Variants in TXNL4A observed in about 807,000 individuals in gnomAD.
The protein encoded by TXNL4A is thioredoxin like 4A.
TXNL4A carries 17 observed loss-of-function variants against 14.6 expected under a neutral mutation model. The observed-to-expected ratio is 1.16, with a 90% CI of 0.80 to 1.74. The LOEUF (loss-of-function observed/expected upper bound fraction) is 1.74, where lower values mean the gene tolerates loss of function less well. TXNL4A is among the 40% of genes most tolerant of loss of function. The pLI, the probability that TXNL4A is intolerant of heterozygous loss-of-function variation, is 0.00. For missense variants in TXNL4A, 74 were observed against 195.2 expected, an observed-to-expected ratio of 0.38 and a Z score of 3.70; for synonymous variants, 83 against 70.6, an observed-to-expected ratio of 1.18 and a Z score of -0.88.
At chr18:79,987,831 G>C (rs1268419560) in intron 1 of TXNL4A, among the ~76,000 whole-genome samples, 1 of 152,238 alleles carries the variant, frequency 6.6e-6, no homozygotes, top group African/African-American at 2.4e-5. Flanking sequence ...CTATGAACAT[G>C]AAAGTCCTGC....
At chr18:80,022,772 T>G (rs1354730005) in intron 1 of TXNL4A, among the ~76,000 whole-genome samples, 1 of 152,204 alleles carries the variant, frequency 6.6e-6, no homozygotes, top group Non-Finnish European at 1.5e-5. Flanking sequence ...TTTGCCCTTC[T>G]CCTCTTTCCT....
rs35502760 is a variant in TXNL4A at position 80,013,122 on chromosome 18, AT to A, written c.-61+20728del. Among the ~76,000 whole-genome samples the A allele has an allele frequency of 2.7e-3, 263 of 96,144 alleles. 1 individual carries two copies. The highest frequency in any genetic ancestry group is 0.016 in the Middle Eastern group (3 of 192). 63.1% of individuals were successfully genotyped at this position (96,144 alleles called of 152,430 possible). ...AAAAATTAAAAAAGGAAAAAAAAAA[AT>A]TTTTTTTTTTTTTTTGAGACGGAGT... is the stretch of plus-strand genomic sequence containing the variant. On this transcript the variant is annotated intron_variant, in intron 1 of 2. Transcript: ENST00000585474.
At chr18:80,033,014 A>G (rs1179454417) in intron 1 of TXNL4A, among the ~76,000 whole-genome samples, 2 of 69,482 alleles carry the variant, frequency 2.9e-5, no homozygotes, top group East Asian at 1.4e-3. Flanking sequence ...CTGCTTCTCA[A>G]TACTCCGCCC....
Position 79,997,990 on chromosome 18 carries a change from A to G in TXNL4A, c.-60-20289T>C, listed in dbSNP as rs1421968886. Among the ~76,000 whole-genome samples the G allele has an allele frequency of 3.3e-5, 5 of 152,148 alleles. No individual in the cohort carries two copies. In the South Asian group the frequency reaches 8.3e-4, roughly 25 times the overall value. On this transcript the variant is annotated intron_variant, in intron 1 of 2. Transcript: ENST00000585474. ...AGAGGATTTTGGGTCCTGGCTGGCT[A>G]TTGTAGAAACTGGATACCAGTGGAC...
At chr18:79,986,185 A>C (rs1027318572) in intron 1 of TXNL4A, among the ~76,000 whole-genome samples, 4 of 151,996 alleles carry the variant, frequency 2.6e-5, no homozygotes, top group Non-Finnish European at 5.9e-5. Flanking sequence ...GACTACAGGC[A>C]CGTGCCACCA....
chr18:79,992,756 C>T (rs1175486889), upstream of TXNL4A, among the ~76,000 whole-genome samples: 1 of 151,968 alleles, frequency 6.6e-6, no homozygotes, highest in Non-Finnish European at 1.5e-5. Context: ...TGCAGTCATC[C>T]CCCTGCCTAC....
intron 1 of TXNL4A, among the ~76,000 whole-genome samples, chr18:79,981,795 G>C (rs1246273653): frequency 6.6e-6 from 1 of 152,212 alleles, no homozygotes; most frequent in African/African-American, 2.4e-5. Flanking sequence ...AATTCTAACA[G>C]AGGCAAACTA....
chr18:79,977,865 G>T, intron 1 of TXNL4A, 164 bp from the exon 2 acceptor site: 1 of 602,944 alleles, frequency 1.7e-6, no homozygotes, highest in Non-Finnish European at 2.9e-6. Context: ...GAGTGCAATG[G>T]TGCAATCAGC....
upstream of TXNL4A, among the ~76,000 whole-genome samples, chr18:79,992,726 C>T (rs953058294): frequency 2.6e-5 from 4 of 152,164 alleles, no homozygotes; most frequent in Middle Eastern, 3.4e-3. Flanking sequence ...TAATGTAAAT[C>T]GATAGCTTGT....
Position 79,988,544 on chromosome 18 carries a change from T to A in TXNL4A, c.-152A>T. On this transcript the variant is annotated 5_prime_UTR_variant, in exon 1 of 3. Coordinates refer to ENST00000269601, the MANE Select transcript of TXNL4A (RefSeq NM_006701.5). The stretch of plus-strand genomic sequence containing the variant: ...CCGCACACGCAAACTCCGCTGGGAC[T>A]GCCACCCGGCAGAACGTCTGGGCGC... The A allele has an allele frequency of 1.2e-6, 1 of 807,874 alleles. No individual in the cohort carries two copies. Among genetic ancestry groups the A allele is most frequent in the Non-Finnish European group, 1.7e-6 (1 of 601,290 alleles). 50.0% of individuals were successfully genotyped at this position (807,874 alleles called of 1,614,324 possible). A position where few individuals can be genotyped will look rare whatever the true frequency, so the allele number is the denominator to read the frequency against.
rs562896400 is a variant in TXNL4A at position 80,009,130 on chromosome 18, A to G, written c.-61+24721T>C. On this transcript the variant is annotated intron_variant, in intron 1 of 2. Transcript: ENST00000585474. The stretch of plus-strand genomic sequence containing the variant: ...TTTCCAGGGGCTTTAAAGGAAGACA[A>G]TCCTGTATTTAGAGCCTTAAGTCTG... Among the ~76,000 whole-genome samples the G allele has an allele frequency of 3.3e-5, 5 of 152,322 alleles. No homozygotes were observed. The South Asian group carries it at 1.0e-3, about 32-fold the overall frequency.
upstream of TXNL4A, among the ~76,000 whole-genome samples, chr18:79,990,278 G>T (rs543701466): frequency 1.8e-4 from 28 of 152,322 alleles, no homozygotes; most frequent in East Asian, 3.3e-3. Context: ...ACAATTTCAG[G>T]TTGGTAGGAT....
intron 1 of TXNL4A, among the ~76,000 whole-genome samples, chr18:80,008,421 T>C (rs1336255932): frequency 6.6e-6 from 1 of 152,088 alleles, no homozygotes; most frequent in East Asian, 1.9e-4. Flanking sequence ...ATTCTCCTCT[T>C]CCTCTTCTCA....
intron 1 of TXNL4A, among the ~76,000 whole-genome samples, 179 bp downstream of exon 1, chr18:79,988,061 G>T (rs1181061508): frequency 5.9e-5 from 9 of 152,274 alleles, no homozygotes; most frequent in African/African-American, 2.2e-4. Context: ...AAAAAGGCGT[G>T]AAACGCCGGC....
chr18:80,026,964 G>C (rs1361952978), intron 1 of TXNL4A, among the ~76,000 whole-genome samples: 3 of 152,204 alleles, frequency 2.0e-5, no homozygotes, highest in African/African-American at 4.8e-5. Flanking sequence ...ATTGGAGAGA[G>C]AGGAGGAAAT....
intron 1 of TXNL4A, among the ~76,000 whole-genome samples, chr18:80,020,059 G>A (rs1378545278): frequency 6.6e-6 from 1 of 152,158 alleles, no homozygotes; most frequent in East Asian, 1.9e-4. Flanking sequence ...GTGGGGGCGG[G>A]TCTTTCCTGC....
intron 1 of TXNL4A, among the ~76,000 whole-genome samples, chr18:80,008,141 TA>T (rs1037815292): frequency 2.0e-5 from 3 of 151,402 alleles, no homozygotes; most frequent in Middle Eastern, 3.4e-3. Flanking sequence ...GATGGAGTCT[TA>T]AAAAAAAATG....
upstream of TXNL4A, among the ~76,000 whole-genome samples, chr18:79,992,876 T>TAAAAA (rs59567705): frequency 0.13 from 10,430 of 78,456 alleles, 1,346 homozygotes; most frequent in Non-Finnish European, 0.19. Context: ...TCATCTTATG[T>TAAAAA]AAAAAAAAAA....
intron 1 of TXNL4A, among the ~76,000 whole-genome samples, chr18:80,009,941 C>A (rs141929583): frequency 1.3e-5 from 2 of 152,230 alleles, no homozygotes; most frequent in Non-Finnish European, 2.9e-5. Flanking sequence ...CACCATTTTG[C>A]CTCTTGGTGC....
Sources: allele counts gnomAD v4.1 joint callset (sites outside exome capture counted in the v4.1 genomes callset), GRCh38; gene constraint gnomAD v4.1.1; transcripts MANE v1.5; gene names NCBI Gene and HGNC (gene_info 2026-07-23, HGNC 2026-07-21).